Variants in SBNO1 observed in about 807,000 individuals in gnomAD.
SBNO1 encodes the protein strawberry notch homolog 1, also known as protein strawberry notch homolog 1.
Under a neutral mutation model 173.6 loss-of-function variants are expected in SBNO1, and 23 were observed. The observed-to-expected ratio is 0.13, with a 90% CI of 0.10 to 0.19. The LOEUF is 0.19. SBNO1 is among the 10% of genes least tolerant of loss of function. The pLI, the probability that SBNO1 is intolerant of heterozygous loss-of-function variation, is 1.00. For synonymous variants in SBNO1, 632 were observed against 571.5 expected (o/e 1.11, Z -1.51); for missense variants, 1,238 against 1,671.2 (o/e 0.74, Z 4.52).
At chr12:123,359,405 CAAAA>C (rs1196366318) in intron 1 of SBNO1, among the ~76,000 whole-genome samples, 3 of 151,446 alleles carry the variant, frequency 2.0e-5, no homozygotes, top group African/African-American at 7.3e-5. Context: ...ACTAAATACA[CAAAA>C]AAGGTAGCTG....
At chr12:123,306,424 C>T (rs946682333) in intron 28 of SBNO1, among the ~76,000 whole-genome samples, 12 of 152,222 alleles carry the variant, frequency 7.9e-5, no homozygotes, top group Non-Finnish European at 1.6e-4. Context: ...CCACTCCTCA[C>T]GCCCAGCCAC....
At chr12:123,305,439 C>T (rs929971212) in intron 28 of SBNO1, among the ~76,000 whole-genome samples, 1 of 152,062 alleles carries the variant, frequency 6.6e-6, no homozygotes, top group African/African-American at 2.4e-5. Flanking sequence ...GAAAGGGAAG[C>T]ATTAGAGAAA....
At position 123,292,157 on chromosome 12, in the gene SBNO1, A is replaced by C. The variant is rs1032306176; in HGVS notation, c.*3751T>G. On this transcript the variant is annotated 3_prime_UTR_variant, in exon 32 of 32. Coordinates refer to ENST00000602398, the MANE Select transcript of SBNO1 (RefSeq NM_001167856.3). ...GCCAGGGAGACCGAAGCCACACAGA[A>C]GGGGAGTCAGTAAATGTCCATCTCC... 1 of 152,152 alleles carries C rather than the reference A, an allele frequency of 6.6e-6. No homozygotes were observed. Among genetic ancestry groups the C allele is most frequent in the Non-Finnish European group, 1.5e-5 (1 of 68,050 alleles). 9.4% of individuals were successfully genotyped at this position (152,152 alleles called of 1,614,324 possible).
At chr12:123,328,635 G>T in intron 10 of SBNO1, 99 bp downstream of exon 10, 1 of 985,430 alleles carries the variant, frequency 1.0e-6, no homozygotes. Flanking sequence ...TTTCACTCCA[G>T]CAACTCGTTT....
At chr12:123,361,807 A>G (rs1875236324) in intron 1 of SBNO1, among the ~76,000 whole-genome samples, 1 of 151,888 alleles carries the variant, frequency 6.6e-6, no homozygotes, top group Non-Finnish European at 1.5e-5. Context: ...TAGGCCACTA[A>G]CTCAGTGTCT....
chr12:123,337,608 TA>T (rs1872004736), intron 5 of SBNO1, among the ~76,000 whole-genome samples: 1 of 152,160 alleles, frequency 6.6e-6, no homozygotes, highest in Non-Finnish European at 1.5e-5. Context: ...AGTCTTTAGA[TA>T]AAATCTAAAA....
At position 123,320,494 on chromosome 12, in the gene SBNO1, G is replaced by C. The variant is rs776540138; in HGVS notation, c.2605C>G (p.Leu869Val). Residue 869 changes from leucine (L) to valine (V), a missense_variant, in exon 19 of 32, where the codon CTC becomes GTC. Physicochemically the swap from Leu to Val is conservative, Grantham distance 32. Transcript: ENST00000602398. Reference protein sequence around the residue: ...LDKLEKLAEDLPPNTLDELID... With the variant: ...LDKLEKLAEDVPPNTLDELID... ...AGTTCATCCAGGGTATTAGGGGGGA[G>C]GTCTTCAGCTAATTTTTCTAGCTTA... is the stretch of plus-strand genomic sequence containing the variant. 2 of 1,614,030 alleles carry C rather than the reference G, an allele frequency of 1.2e-6. No individual in the cohort carries two copies. The highest frequency in any genetic ancestry group is 1.7e-6 in the Non-Finnish European group (2 of 1,179,984).
At chr12:123,318,733 G>A (rs1391939434) in intron 20 of SBNO1, among the ~76,000 whole-genome samples, 2 of 88,224 alleles carry the variant, frequency 2.3e-5, no homozygotes, top group Non-Finnish European at 5.4e-5. Context: ...GTAAGACTCT[G>A]TCTCAAAAAA....
intron 13 of SBNO1, among the ~76,000 whole-genome samples, chr12:123,327,055 G>A (rs896938133): frequency 6.6e-6 from 1 of 152,062 alleles, no homozygotes; most frequent in Non-Finnish European, 1.5e-5. Context: ...ACCCAAGCTG[G>A]AGTGCACTGG....
Position 123,292,555 on chromosome 12 carries a change from T to C in SBNO1, c.*3353A>G, listed in dbSNP as rs1193110840. ...CATCCCATGGAGGCCAGCAAATGAATGCCCCAGGGACTACAGCCAGAAAAT... is the reference window on the plus strand; with the variant it reads ...CATCCCATGGAGGCCAGCAAATGAACGCCCCAGGGACTACAGCCAGAAAAT... On this transcript the variant is annotated 3_prime_UTR_variant, in exon 32 of 32. Transcript: ENST00000602398. 6.6e-6 allele frequency: 1 copy of C among 152,166 alleles called. No individual in the cohort carries two copies. The highest frequency in any genetic ancestry group is 1.5e-5 in the Non-Finnish European group (1 of 68,016). The allele number at this position is 152,166 out of a possible 1,614,324, so 9.4% of individuals were successfully genotyped here.
At chr12:123,357,935 A>G (rs965560510) in intron 1 of SBNO1, among the ~76,000 whole-genome samples, 1 of 152,178 alleles carries the variant, frequency 6.6e-6, no homozygotes, top group Admixed American at 6.5e-5. Context: ...ATACACAAAT[A>G]ATTGAGTTGG....
rs1593344940 is a variant in SBNO1 at position 123,313,241 on chromosome 12, TAAATAAATAAA to T, written c.3220+368_3220+378del. 5.4e-5 allele frequency among the ~76,000 whole-genome samples: 8 copies of T among 146,872 alleles called. No individual in the cohort carries two copies. The East Asian group carries it at 1.4e-3, about 25-fold the overall frequency. ...ATAAATAAATAAATAAATAAATAAA[TAAATAAATAAA>T]TAATTTTTAAAAAAGACTCGGTCTT... On this transcript the variant is annotated intron_variant, in intron 24 of 31. Coordinates refer to ENST00000602398, the MANE Select transcript of SBNO1 (RefSeq NM_001167856.3).
chr12:123,310,231 CGTTTT>C (rs1328734025), intron 25 of SBNO1, among the ~76,000 whole-genome samples: 3 of 152,124 alleles, frequency 2.0e-5, no homozygotes, highest in Non-Finnish European at 1.5e-5. Context: ...AGTAATTTTT[CGTTTT>C]GTTTTGTTTC....
intron 1 of SBNO1, among the ~76,000 whole-genome samples, chr12:123,355,520 C>T (rs1311624396): frequency 3.3e-5 from 5 of 151,918 alleles, no homozygotes; most frequent in Admixed American, 6.6e-5. Context: ...AGGAGAATCG[C>T]GTGAACCCGG....
intron 24 of SBNO1, among the ~76,000 whole-genome samples, chr12:123,312,711 G>GAA (rs63654462): frequency 8.2e-6 from 1 of 121,864 alleles, no homozygotes. Flanking sequence ...ACCCCGTCTC[G>GAA]AAAAAAAAAA....
Position 123,340,999 on chromosome 12 carries a change from A to G in SBNO1, c.640T>C (p.Ser214Pro). 6.3e-7 allele frequency: 1 copy of G among 1,584,974 alleles called. No individual in the cohort carries two copies. The highest frequency in any genetic ancestry group is 8.6e-7 in the Non-Finnish European group (1 of 1,158,494). ...WINDMKMRSFSPTMKVPVVKE... is the reference protein window; with the variant it reads ...WINDMKMRSFPPTMKVPVVKE... The stretch of plus-strand genomic sequence containing the variant: ...TATTTGAAACTCACCATGGTTGGGG[A>G]AAAACTCCTCATCTTCATGTCGTTT... Residue 214 changes from serine (S) to proline (P), a missense_variant, in exon 5 of 32, where the codon TCC (serine) becomes CCC (proline). Physicochemically the swap from Ser to Pro is moderately conservative, Grantham distance 74. Transcript: ENST00000602398.
intron 28 of SBNO1, among the ~76,000 whole-genome samples, chr12:123,308,049 G>A (rs1048791212): frequency 3.3e-5 from 5 of 152,172 alleles, no homozygotes; most frequent in Non-Finnish European, 7.4e-5. Flanking sequence ...TCCAGCCTGG[G>A]CGACAGATTG....
intron 1 of SBNO1, among the ~76,000 whole-genome samples, chr12:123,351,604 AC>A (rs1873893799): frequency 6.6e-6 from 1 of 152,062 alleles, no homozygotes; most frequent in Admixed American, 6.6e-5. Context: ...ACAGAGTAAG[AC>A]CCCCAACTCA....
At chr12:123,345,692 TTC>T in intron 3 of SBNO1, 122 bp from the exon 4 acceptor site, 2 of 848,394 alleles carry the variant, frequency 2.4e-6, no homozygotes. Context: ...CTTTTTTTTT[TTC>T]TTTGAAGCAG....
Sources: gnomAD v4.1 joint callset for allele counts (sites outside exome capture counted in the v4.1 genomes callset) on GRCh38, gnomAD v4.1.1 for gene constraint, MANE v1.5 for transcripts, NCBI Gene and HGNC (gene_info 2026-07-23, HGNC 2026-07-21) for gene names.